Variants in VPS53 observed in about 807,000 individuals in gnomAD.
VPS53 encodes the protein VPS53 subunit of GARP complex, also known as vacuolar protein sorting-associated protein 53 homolog.
Under a neutral mutation model 107.0 loss-of-function variants are expected in VPS53, and 70 were observed. The observed-to-expected ratio is 0.65, with a 90% CI of 0.54 to 0.80. The LOEUF is 0.80. Ranked by LOEUF, VPS53 falls within the 30% of genes least tolerant of loss-of-function variation. The pLI, the probability that VPS53 is intolerant of heterozygous loss-of-function variation, is 0.00. For missense variants in VPS53, 917 were observed against 1,049.4 expected (o/e 0.87, Z 1.74); for synonymous variants, 409 against 393.3 (o/e 1.04, Z -0.47).
chr17:597,962 C>CTCTCCCTCTCCCCACCG (rs1555561889), intron 12 of VPS53, among the ~76,000 whole-genome samples: 1 of 141,308 alleles, frequency 7.1e-6, no homozygotes, highest in East Asian at 2.1e-4. Context: ...CTCCCTCTCC[C>CTCTCCCTCTCCCCACCG]TCTCCCTCTC....
chr17:645,315 T>C (rs1206415326), intron 7 of VPS53, among the ~76,000 whole-genome samples: 5 of 152,226 alleles, frequency 3.3e-5, no homozygotes, highest in African/African-American at 1.2e-4. Flanking sequence ...TTTGGAGAAA[T>C]GCTTATTCAA....
At chr17:639,176 A>G (rs1483287966) in intron 7 of VPS53, among the ~76,000 whole-genome samples, 1 of 152,168 alleles carries the variant, frequency 6.6e-6, no homozygotes, top group African/African-American at 2.4e-5. Context: ...TCGATCTTCA[A>G]TCACTGATAC....
rs1597229648 is a variant in VPS53 at position 512,425 on chromosome 17, G to A, written c.*6703C>T. ...AGACCTGCAGATCAAGTCTTCTGTG[G>A]ATGCTTCCAATCCCAGGCTGCTTTC... On this transcript the variant is annotated 3_prime_UTR_variant, in exon 22 of 22. Coordinates refer to ENST00000437048, the MANE Select transcript of VPS53 (RefSeq NM_001128159.3). The A allele has an allele frequency of 6.6e-6, 1 of 152,348 alleles. No homozygotes were observed. The highest frequency in any genetic ancestry group is 1.9e-4 in the East Asian group (1 of 5,186). 9.4% of individuals were successfully genotyped at this position (152,348 alleles called of 1,614,324 possible). A position where few individuals can be genotyped will look rare whatever the true frequency, so the allele number is the denominator to read the frequency against.
chr17:548,821 C>T (rs1911539638), intron 17 of VPS53, among the ~76,000 whole-genome samples: 1 of 152,208 alleles, frequency 6.6e-6, no homozygotes, highest in Non-Finnish European at 1.5e-5. Context: ...CCTAACCTCT[C>T]TTTACTCATG....
chr17:559,208 T>C (rs1912719776), intron 15 of VPS53, among the ~76,000 whole-genome samples: 1 of 152,180 alleles, frequency 6.6e-6, no homozygotes, highest in African/African-American at 2.4e-5. Context: ...ACTATGTCTA[T>C]GAATAACAAT....
intron 17 of VPS53, among the ~76,000 whole-genome samples, chr17:546,130 C>T (rs1911165452): frequency 6.6e-6 from 1 of 152,184 alleles, no homozygotes; most frequent in Non-Finnish European, 1.5e-5. Flanking sequence ...ACAAATAGTG[C>T]TGGGAAAGCT....
chr17:559,331 T>C (rs1912730451), intron 15 of VPS53, among the ~76,000 whole-genome samples: 1 of 152,236 alleles, frequency 6.6e-6, no homozygotes. Flanking sequence ...CATATTTACA[T>C]GTATCGTATT....
intron 4 of VPS53, among the ~76,000 whole-genome samples, chr17:669,671 A>T (rs1413278873): frequency 6.6e-6 from 1 of 151,428 alleles, no homozygotes; most frequent in Non-Finnish European, 1.5e-5. Flanking sequence ...AGGCAGGTGG[A>T]TCATGAGGTC....
intron 13 of VPS53, among the ~76,000 whole-genome samples, chr17:570,074 C>T (rs566972292): frequency 2.1e-4 from 32 of 152,022 alleles, no homozygotes; most frequent in African/African-American, 6.7e-4. Flanking sequence ...GTAATAAAAA[C>T]GAACATCATA....
At chr17:690,362 TTTGCCC>T (rs1286650240) in intron 4 of VPS53, among the ~76,000 whole-genome samples, 5 of 152,366 alleles carry the variant, frequency 3.3e-5, no homozygotes, top group African/African-American at 1.2e-4. Context: ...ATGTGTTTTG[TTTGCCC>T]TTTGCAGTGT....
chr17:691,123 A>G lies in VPS53; in HGVS notation c.285+6295T>C, dbSNP rs539997280. Among the ~76,000 whole-genome samples, 5 of 152,332 alleles carry G rather than the reference A, an allele frequency of 3.3e-5. No individual in the cohort carries two copies. The South Asian group carries it at 1.0e-3, about 32-fold the overall frequency. On this transcript the variant is annotated intron_variant, in intron 4 of 21. Transcript: ENST00000437048. ...ATAAAGGGTCTGGAAATTGCATTAT[A>G]AAGATGAAGAAACTAAGAATGGTTA...
chr17:586,430 T>A (rs964388243), intron 12 of VPS53, 66 bp from the exon 13 acceptor site: 10 of 1,457,092 alleles, frequency 6.9e-6, no homozygotes, highest in South Asian at 4.6e-5. Context: ...AGAATTTTTT[T>A]AAAAACATCA....
intron 19 of VPS53, among the ~76,000 whole-genome samples, chr17:526,075 T>C (rs929272490): frequency 5.3e-5 from 8 of 151,842 alleles, no homozygotes; most frequent in Admixed American, 5.2e-4. Context: ...GAGTAGTTAG[T>C]TACTGTTTTT....
intron 13 of VPS53, among the ~76,000 whole-genome samples, chr17:581,731 G>C (rs538468591): frequency 2.7e-5 from 4 of 148,980 alleles, no homozygotes; most frequent in Non-Finnish European, 5.9e-5. Context: ...ACTTTCCTCA[G>C]AACTTAAATG....
rs908091466 is a variant in VPS53, at chr17:661,833, G to A, written c.348C>T (p.Asp116=). ...CCATTTGCTCTGATTTTTCAGCTTTGTCTTTGATATCTTTGATTTTGCCAA... is the reference window on the plus strand; with the variant it reads ...CCATTTGCTCTGATTTTTCAGCTTTATCTTTGATATCTTTGATTTTGCCAA... ...QLFGKIKDIK[D]KAEKSEQMVK... The change falls in exon 5 of 22, where the codon GAC becomes GAT. Residue 116 remains aspartate (D), a synonymous_variant. Transcript: ENST00000437048. 6 of 1,552,112 alleles carry A rather than the reference G, an allele frequency of 3.9e-6. No homozygotes were observed. The highest frequency in any genetic ancestry group is 2.0e-5 in the Admixed American group (1 of 50,972).
chr17:532,194 T>C, intron 19 of VPS53: 1 of 152,338 alleles, frequency 6.6e-6, no homozygotes, highest in South Asian at 2.1e-4. Context: ...ATGATCCGCC[T>C]GCCTGGGCCT....
At chr17:710,717 T>A in intron 1 of VPS53, 104 bp from the exon 2 acceptor site, 2 of 823,308 alleles carry the variant, frequency 2.4e-6, no homozygotes, top group Non-Finnish European at 3.8e-6. Flanking sequence ...CGGTGGCTCA[T>A]GCCTGTAATC....
intron 7 of VPS53, among the ~76,000 whole-genome samples, chr17:642,345 G>C (rs1311217528): frequency 6.6e-6 from 1 of 151,984 alleles, no homozygotes; most frequent in African/African-American, 2.4e-5. Context: ...ACTCATACTT[G>C]GAAAGCGAGG....
At chr17:678,766 G>A (rs900732452) in intron 4 of VPS53, among the ~76,000 whole-genome samples, 4 of 151,996 alleles carry the variant, frequency 2.6e-5, no homozygotes, top group Non-Finnish European at 4.4e-5. Flanking sequence ...AGCCTCCCAA[G>A]TAGCTGGGAC....
Sources: allele counts gnomAD v4.1 joint callset (sites outside exome capture counted in the v4.1 genomes callset), GRCh38; gene constraint gnomAD v4.1.1; transcripts MANE v1.5; gene names NCBI Gene and HGNC (gene_info 2026-07-23, HGNC 2026-07-21).